ATP6V1E1: variants seen among roughly 807,000 people sequenced by gnomAD.
ATP6V1E1 encodes the protein V-type proton ATPase subunit E 1.
Under a neutral mutation model 35.2 loss-of-function variants are expected in ATP6V1E1, and 21 were observed. The ratio of observed to expected loss-of-function variants is 0.60; its 90% confidence interval spans 0.42 to 0.86. The LOEUF (loss-of-function observed/expected upper bound fraction) is 0.86. Among genes scored for constraint, ATP6V1E1 ranks in the 40% least tolerant of loss-of-function variants. The pLI, the probability that ATP6V1E1 is intolerant of heterozygous loss-of-function variation, is 0.00. For missense variants in ATP6V1E1, 183 were observed against 272.6 expected, an observed-to-expected ratio of 0.67 and a Z score of 2.32; for synonymous variants, 83 against 87.8, an observed-to-expected ratio of 0.95 and a Z score of 0.30.
At position 17,619,509 on chromosome 22, in the gene ATP6V1E1, A is replaced by C; in HGVS notation, c.51T>G (p.Ala17=). The change falls in exon 2 of 9, where the codon GCT becomes GCG. Residue 17 remains alanine, a synonymous_variant. Coordinates refer to ENST00000253413, the MANE Select transcript of ATP6V1E1 (RefSeq NM_001696.4). ...DVQKQIKHMM[A]FIEQEANEKA... ...TCTCATTGGCTTCTTGTTCAATGAA[A>C]GCCATCATATGCTTTATCTATAAGG... is the stretch of plus-strand genomic sequence containing the variant. 6.2e-7 allele frequency: 1 copy of C among 1,603,284 alleles called. No homozygotes were observed. Among genetic ancestry groups the C allele is most frequent in the Non-Finnish European group, 8.5e-7 (1 of 1,175,604 alleles).
At chr22:17,596,542 A>G (rs535069369) in intron 7 of ATP6V1E1, among the ~76,000 whole-genome samples, 1 of 152,096 alleles carries the variant, frequency 6.6e-6, no homozygotes, top group African/African-American at 2.4e-5. Flanking sequence ...CAGCTGTCCA[A>G]TCTTGAACTT....
At chr22:17,613,359 G>C in intron 2 of ATP6V1E1, 39 bp from the exon 3 acceptor site, 1 of 1,561,524 alleles carries the variant, frequency 6.4e-7, no homozygotes, top group Non-Finnish European at 8.8e-7. Flanking sequence ...ATTACATCAA[G>C]TTTTGATTAA....
In ATP6V1E1 at chr22:17,628,042, A is replaced by C. The variant is rs577353723; in HGVS notation, c.33+561T>G. 8.1e-5 allele frequency among the ~76,000 whole-genome samples: 12 copies of C among 148,446 alleles called. No homozygotes were observed. The East Asian group carries it at 2.5e-3, about 30-fold the overall frequency. On this transcript the variant is annotated intron_variant, in intron 1 of 8. Transcript: ENST00000253413. ...CCCTGTCGCCCATGCTGGAGTGCAAAGGCGCGATCTCGGCTAACTGCAACC... is the reference window on the plus strand; with the variant it reads ...CCCTGTCGCCCATGCTGGAGTGCAACGGCGCGATCTCGGCTAACTGCAACC...
chr22:17,598,933 T>C (rs1466827866), intron 6 of ATP6V1E1, among the ~76,000 whole-genome samples: 1 of 152,136 alleles, frequency 6.6e-6, no homozygotes, highest in Non-Finnish European at 1.5e-5. Flanking sequence ...CAGTGACAGA[T>C]GAACGGATAA....
intron 7 of ATP6V1E1, chr22:17,597,911 T>C (rs374699579): frequency 5.3e-4 from 205 of 383,804 alleles, no homozygotes; most frequent in African/African-American, 4.0e-3. Context: ...TCTCTTGACC[T>C]TGTGATCCAC....
intron 1 of ATP6V1E1, among the ~76,000 whole-genome samples, chr22:17,621,105 T>A (rs1005016824): frequency 5.3e-5 from 8 of 151,948 alleles, no homozygotes. Flanking sequence ...CGCTCCATCA[T>A]CGGAGGGACT....
intron 2 of ATP6V1E1, among the ~76,000 whole-genome samples, chr22:17,615,965 G>A (rs1313801188): frequency 6.6e-6 from 1 of 151,942 alleles, no homozygotes; most frequent in Non-Finnish European, 1.5e-5. Flanking sequence ...CTGGGAGGCA[G>A]AGGTTGCGGT....
intron 1 of ATP6V1E1, among the ~76,000 whole-genome samples, chr22:17,624,955 A>T (rs2092838829): frequency 6.6e-6 from 1 of 152,214 alleles, no homozygotes; most frequent in African/African-American, 2.4e-5. Flanking sequence ...GGAGAGAATT[A>T]GCACTGTGGC....
chr22:17,598,037 GAAC>G (rs1213482889), intron 7 of ATP6V1E1, 154 bp downstream of exon 7: 4 of 634,562 alleles, frequency 6.3e-6, no homozygotes, highest in African/African-American at 1.8e-5. Context: ...AGCACTGCGA[GAAC>G]AACAGGAACG....
intron 4 of ATP6V1E1, among the ~76,000 whole-genome samples, chr22:17,603,107 A>ATGG (rs2057769745): frequency 6.6e-6 from 1 of 151,510 alleles, no homozygotes; most frequent in Non-Finnish European, 1.5e-5. Flanking sequence ...GCGCCACCTC[A>ATGG]CCCAGCTAAT....
At chr22:17,626,329 GA>G (rs1230719220) in intron 1 of ATP6V1E1, among the ~76,000 whole-genome samples, 15 of 124,952 alleles carry the variant, frequency 1.2e-4, no homozygotes, top group African/African-American at 4.8e-4. Context: ...AAAAAAAAAA[GA>G]AAGAAAAGAA....
In ATP6V1E1 at chr22:17,625,827, C is replaced by CA. The variant is rs553069738; in HGVS notation, c.33+2775dup. On this transcript the variant is annotated intron_variant, in intron 1 of 8. Transcript: ENST00000253413. ...ATTCCCCTGAGAGTCTTTTGCATGA[C>CA]AAAATTCTTAATACCTACAGACTTG... 3.5e-3 allele frequency among the ~76,000 whole-genome samples: 519 copies of CA among 149,326 alleles called. 3 individuals carry two copies. Among genetic ancestry groups the CA allele is most frequent in the African/African-American group, 0.011 (462 of 40,606 alleles).
At position 17,616,903 on chromosome 22, in the gene ATP6V1E1, C is replaced by T. The variant is rs562840497; in HGVS notation, c.99+2558G>A. On this transcript the variant is annotated intron_variant, in intron 2 of 8. Coordinates refer to ENST00000253413, the MANE Select transcript of ATP6V1E1 (RefSeq NM_001696.4). ...CTCTACTAAAAATACAAAAAATTAG[C>T]CGGGTGTAGTGGCGGGCGCCTGTAG... Among the ~76,000 whole-genome samples, 479 of 116,206 alleles carry T rather than the reference C, an allele frequency of 4.1e-3. 116 individuals carry two copies. The highest frequency in any genetic ancestry group is 0.015 in the African/African-American group (432 of 28,488). The allele number at this position is 116,206 out of a possible 152,430, so 76.2% of individuals were successfully genotyped here. A position where few individuals can be genotyped will look rare whatever the true frequency, so the allele number is the denominator to read the frequency against.
chr22:17,621,413 C>G (rs147420127), intron 1 of ATP6V1E1, among the ~76,000 whole-genome samples: 1 of 152,084 alleles, frequency 6.6e-6, no homozygotes, highest in Admixed American at 6.6e-5. Flanking sequence ...ACAGCTCAAG[C>G]GATCCCCCCG....
At chr22:17,594,214 A>G (rs895461972) in intron 8 of ATP6V1E1, among the ~76,000 whole-genome samples, 3 of 152,146 alleles carry the variant, frequency 2.0e-5, no homozygotes, top group Non-Finnish European at 4.4e-5. Context: ...AAAACAAAAC[A>G]AAAAAACACA....
rs114135569 is a variant in ATP6V1E1, at chr22:17,601,213, A to G, written c.277-32T>C. Reference sequence around the variant, plus strand: ...AGATTAGAAAAGATAAAAGTTATCTACACATCTGGGCAGTCGGCTCAGAAC... The same window carrying G: ...AGATTAGAAAAGATAAAAGTTATCTGCACATCTGGGCAGTCGGCTCAGAAC... On this transcript the variant is annotated intron_variant, in intron 4 of 8. Coordinates refer to ENST00000253413, the MANE Select transcript of ATP6V1E1 (RefSeq NM_001696.4). 638 of 1,589,556 alleles carry G rather than the reference A, an allele frequency of 4.0e-4. 5 individuals are homozygous for G. The African/African-American group carries it at 7.9e-3, about 20-fold the overall frequency.
intron 4 of ATP6V1E1, among the ~76,000 whole-genome samples, chr22:17,604,623 G>A (rs1262801385): frequency 2.6e-5 from 4 of 151,418 alleles, no homozygotes; most frequent in Admixed American, 6.6e-5. Context: ...GGGTTCAAGC[G>A]ATTCTCCTGC....
intron 3 of ATP6V1E1, 100 bp from the exon 4 acceptor site, chr22:17,612,978 C>T: frequency 8.6e-7 from 1 of 1,166,900 alleles, no homozygotes; most frequent in Non-Finnish European, 1.2e-6. Flanking sequence ...CTTGGCCTCC[C>T]CAAAGCACCA....
chr22:17,628,695 T>TGA lies in ATP6V1E1; in HGVS notation c.-62_-61dup. On this transcript the variant is annotated 5_prime_UTR_variant, in exon 1 of 9. Transcript: ENST00000253413. The stretch of plus-strand genomic sequence containing the variant: ...TCGAGTTTAGGTTTGAAAGGTGAGG[T>TGA]GAGAGAAATCGGCAAAGGGAACCCC... The TGA allele has an allele frequency of 1.9e-6, 3 of 1,610,820 alleles. No homozygotes were observed. Among genetic ancestry groups the TGA allele is most frequent in the Non-Finnish European group, 2.5e-6 (3 of 1,177,204 alleles).
Sources: allele counts gnomAD v4.1 joint callset (sites outside exome capture counted in the v4.1 genomes callset), GRCh38; gene constraint gnomAD v4.1.1; transcripts MANE v1.5; gene names NCBI Gene and HGNC (gene_info 2026-07-23, HGNC 2026-07-21).